WWOX: variants seen among roughly 807,000 people sequenced by gnomAD.
The protein encoded by WWOX is WW domain-containing oxidoreductase.
WWOX carries 69 observed loss-of-function variants against 46.2 expected under a neutral mutation model. The observed-to-expected ratio is 1.49, with a 90% CI of 1.23 to 1.82. The LOEUF (loss-of-function observed/expected upper bound fraction) is 1.82. WWOX is among the 40% of genes most tolerant of loss of function. The pLI is 0.00. For synonymous variants in WWOX, 359 were observed against 202.6 expected (o/e 1.77, Z -6.56); for missense variants, 919 against 542.6 (o/e 1.69, Z -6.89).
chr16:78,370,150 A>AAAG (rs60021979), intron 5 of WWOX, among the ~76,000 whole-genome samples: 10 of 149,760 alleles, frequency 6.7e-5, no homozygotes, highest in South Asian at 2.1e-4. Flanking sequence ...AAAAAAAAAA[A>AAAG]GGGCATGGAT....
intron 5 of WWOX, among the ~76,000 whole-genome samples, chr16:78,378,520 T>G (rs757973830): frequency 3.3e-5 from 5 of 152,218 alleles, no homozygotes; most frequent in Admixed American, 6.5e-5. Context: ...ATTAGTGTTA[T>G]GAAGTCCCAC....
chr16:78,918,757 A>G (rs1422996864), intron 8 of WWOX, among the ~76,000 whole-genome samples: 3 of 152,190 alleles, frequency 2.0e-5, no homozygotes, highest in Non-Finnish European at 4.4e-5. Flanking sequence ...AAATTCCAGA[A>G]TTAATGCTCG....
In WWOX at chr16:78,942,104, G is replaced by A. The variant is rs148138359; in HGVS notation, c.1057-269504G>A. On this transcript the variant is annotated intron_variant, in intron 8 of 8. Coordinates refer to ENST00000566780, the MANE Select transcript of WWOX (RefSeq NM_016373.4). ...GCCCAAGTTCAAATTACGTATGACT[G>A]TGATTCTAACACGGAAGCGCCCTCC... Among the ~76,000 whole-genome samples the A allele has an allele frequency of 2.3e-4, 34 of 150,494 alleles. 1 individual carries two copies. In the East Asian group the frequency reaches 3.7e-3, roughly 16 times the overall value.
chr16:78,794,402 A>G, intron 8 of WWOX, among the ~76,000 whole-genome samples: 1 of 152,296 alleles, frequency 6.6e-6, no homozygotes, highest in East Asian at 1.9e-4. Context: ...ACAAAAAACA[A>G]AATAAATAAA....
intron 8 of WWOX, among the ~76,000 whole-genome samples, chr16:78,963,094 A>G (rs1202931010): frequency 2.0e-5 from 3 of 152,292 alleles, no homozygotes; most frequent in African/African-American, 7.2e-5. Flanking sequence ...TAGATTCTAC[A>G]ATTAACATTT....
chr16:78,691,038 A>G (rs1300110658), intron 8 of WWOX, among the ~76,000 whole-genome samples: 1 of 152,198 alleles, frequency 6.6e-6, no homozygotes, highest in Non-Finnish European at 1.5e-5. Flanking sequence ...TACTCGATAC[A>G]TCTTCACTAA....
At chr16:78,351,801 C>A (rs1055143717) in intron 5 of WWOX, among the ~76,000 whole-genome samples, 1 of 152,096 alleles carries the variant, frequency 6.6e-6, no homozygotes, top group Non-Finnish European at 1.5e-5. Context: ...GGATTACAGA[C>A]GTGTATCACC....
intron 8 of WWOX, among the ~76,000 whole-genome samples, chr16:79,013,040 G>A (rs369785422): frequency 1.3e-5 from 2 of 152,202 alleles, no homozygotes; most frequent in East Asian, 3.9e-4. Context: ...CTGCATGTCA[G>A]CCTGAGCAAC....
At chr16:78,423,760 C>T (rs113890611) in intron 6 of WWOX, among the ~76,000 whole-genome samples, 3,009 of 151,126 alleles carry the variant, frequency 0.02, 110 homozygotes, top group African/African-American at 0.067. Context: ...GTGGAAGGAT[C>T]GTCTGAGCCT....
chr16:78,735,261 G>C (rs374025645), intron 8 of WWOX, among the ~76,000 whole-genome samples: 1 of 152,030 alleles, frequency 6.6e-6, no homozygotes, highest in Non-Finnish European at 1.5e-5. Flanking sequence ...CTACACATCA[G>C]TTCTCCTGGC....
intron 8 of WWOX, among the ~76,000 whole-genome samples, chr16:78,929,175 C>T (rs1487818363): frequency 6.6e-6 from 1 of 152,036 alleles, no homozygotes; most frequent in Non-Finnish European, 1.5e-5. Flanking sequence ...GATTTTCAGA[C>T]CGTAAATTGA....
chr16:78,904,517 A>C (rs2044911436), intron 8 of WWOX, among the ~76,000 whole-genome samples: 1 of 152,018 alleles, frequency 6.6e-6, no homozygotes, highest in African/African-American at 2.4e-5. Context: ...GATTACAGGC[A>C]TGAGCCACCG....
intron 8 of WWOX, among the ~76,000 whole-genome samples, chr16:78,559,312 G>C (rs1317078225): frequency 1.3e-5 from 2 of 152,212 alleles, no homozygotes; most frequent in African/African-American, 2.4e-5. Context: ...TGAGGGTCAG[G>C]ACTGGTAGCA....
chr16:78,473,926 G>T (rs766083728), intron 8 of WWOX, among the ~76,000 whole-genome samples: 13 of 152,258 alleles, frequency 8.5e-5, no homozygotes, highest in Non-Finnish European at 1.9e-4. Flanking sequence ...TGAGAAAGTG[G>T]CCTCCCTTTC....
At chr16:78,882,118 T>G (rs1038566790) in intron 8 of WWOX, among the ~76,000 whole-genome samples, 2 of 151,944 alleles carry the variant, frequency 1.3e-5, no homozygotes, top group African/African-American at 4.8e-5. Flanking sequence ...AGAGCAAGAG[T>G]CCATTTACAA....
intron 8 of WWOX, among the ~76,000 whole-genome samples, chr16:78,790,400 G>A (rs1481943546): frequency 6.6e-6 from 1 of 152,112 alleles, no homozygotes; most frequent in Non-Finnish European, 1.5e-5. Flanking sequence ...CTCCCAAAGT[G>A]CTGGGATTAC....
chr16:79,028,075 C>T (rs768714319), intron 8 of WWOX, among the ~76,000 whole-genome samples: 5 of 151,868 alleles, frequency 3.3e-5, no homozygotes, highest in South Asian at 4.1e-4. Context: ...CTCTGCCTCC[C>T]GAGTAGCTGA....
intron 5 of WWOX, among the ~76,000 whole-genome samples, chr16:78,201,956 C>T (rs888264637): frequency 2.6e-5 from 4 of 152,110 alleles, no homozygotes; most frequent in African/African-American, 9.7e-5. Flanking sequence ...CCGCCTCGGC[C>T]TCCCAAAGTG....
chr16:78,590,589 A>G (rs1015163048), intron 8 of WWOX, among the ~76,000 whole-genome samples: 16 of 152,336 alleles, frequency 1.1e-4, no homozygotes, highest in African/African-American at 3.8e-4. Context: ...TTGAGGAGAC[A>G]TAACCAAGTT....
Sources: gnomAD v4.1 joint callset for allele counts (sites outside exome capture counted in the v4.1 genomes callset) on GRCh38, gnomAD v4.1.1 for gene constraint, MANE v1.5 for transcripts, NCBI Gene and HGNC (gene_info 2026-07-23, HGNC 2026-07-21) for gene names.